NLRP7: variants seen among roughly 807,000 people sequenced by gnomAD.
The protein encoded by NLRP7 is NLR family pyrin domain containing 7, also known as NACHT, LRR and PYD domains-containing protein 7.
In NLRP7, 72 loss-of-function variants were observed where a neutral mutation model predicts 85.5. The ratio of observed to expected loss-of-function variants is 0.84; its 90% confidence interval spans 0.70 to 1.02. NLRP7 has a LOEUF of 1.02. Ranked by LOEUF, NLRP7 falls within the 50% of genes least tolerant of loss-of-function variation. The pLI is 0.00. For missense variants in NLRP7, 1,243 were observed against 1,219.5 expected (o/e 1.02, Z -0.29); for synonymous variants, 550 against 505.2 (o/e 1.09, Z -1.19).
chr19:54,962,407 A>G (rs565065452), intron 1 of NLRP7, among the ~76,000 whole-genome samples: 5 of 149,816 alleles, frequency 3.3e-5, no homozygotes, highest in African/African-American at 1.2e-4. Context: ...AGCTGGAATT[A>G]CAGGCATCTG....
intron 8 of NLRP7, 119 bp downstream of exon 8, chr19:54,933,450 C>A: frequency 7.5e-7 from 1 of 1,326,686 alleles, no homozygotes; most frequent in East Asian, 2.5e-5. Context: ...TGGCCTCTGC[C>A]TGTTCTTTAA....
intron 1 of NLRP7, among the ~76,000 whole-genome samples, chr19:54,943,576 G>C (rs913285124): frequency 2.6e-5 from 4 of 151,362 alleles, no homozygotes; most frequent in South Asian, 2.1e-4. Context: ...ACTCCAGCCT[G>C]GGCGACAGAG....
chr19:54,949,266 T>TC (rs2069594220), upstream of NLRP7, among the ~76,000 whole-genome samples: 1 of 144,120 alleles, frequency 6.9e-6, no homozygotes, highest in South Asian at 2.2e-4. Context: ...CGACAGAGAC[T>TC]CCATCTTTAA....
intron 1 of NLRP7, among the ~76,000 whole-genome samples, chr19:54,959,345 G>A (rs1168214308): frequency 6.7e-6 from 1 of 150,174 alleles, no homozygotes; most frequent in Non-Finnish European, 1.5e-5. Context: ...CACCATGTTG[G>A]CCAGGCTGGT....
intron 1 of NLRP7, among the ~76,000 whole-genome samples, chr19:54,962,601 T>G (rs1262443995): frequency 6.8e-6 from 1 of 147,760 alleles, no homozygotes; most frequent in Non-Finnish European, 1.5e-5. Flanking sequence ...TTCTTTCTTT[T>G]TTGTTTGTTT....
chr19:54,938,796 C>G, intron 4 of NLRP7, 92 bp downstream of exon 4: 1 of 1,409,714 alleles, frequency 7.1e-7, no homozygotes, highest in Non-Finnish European at 1.0e-6. Flanking sequence ...GGAAAGAAGT[C>G]CAGCCAGAGG....
chr19:54,947,122 C>T (rs996970630), intron 1 of NLRP7, among the ~76,000 whole-genome samples: 1 of 151,992 alleles, frequency 6.6e-6, no homozygotes, highest in African/African-American at 2.4e-5. Flanking sequence ...GTCAGGAGTT[C>T]AAGACCAGCC....
chr19:54,947,242 G>A (rs1249404738), intron 1 of NLRP7, among the ~76,000 whole-genome samples: 2 of 151,924 alleles, frequency 1.3e-5, no homozygotes, highest in African/African-American at 4.8e-5. Flanking sequence ...GGAGAATGGC[G>A]GGTGAACCCA....
chr19:54,925,693 G>A (rs578205616), intron 9 of NLRP7, among the ~76,000 whole-genome samples: 98 of 152,178 alleles, frequency 6.4e-4, no homozygotes, highest in African/African-American at 2.3e-3. Context: ...ACTAAAGGTA[G>A]ATTACGTTAA....
At chr19:54,947,750 A>G (rs1420176723), upstream of NLRP7, 22 of 916,538 alleles carry the variant, frequency 2.4e-5, no homozygotes, top group Non-Finnish European at 3.1e-5. Context: ...TTAATGTGCA[A>G]TTCCCTTCCT....
At chr19:54,965,255 T>A (rs1248554604) in intron 1 of NLRP7, 3 of 98,528 alleles carry the variant, frequency 3.0e-5, no homozygotes, top group East Asian at 2.8e-4. Context: ...ATACAGGAAG[T>A]GCTCAGCAAC....
chr19:54,939,987 G>A, exon 4 of NLRP7: 1 of 1,614,134 alleles, frequency 6.2e-7, no homozygotes, highest in Non-Finnish European at 8.5e-7. Context: ...ACGGGCACCG[G>A]CTTCTTCTTC....
At position 54,934,529 on chromosome 19, in the gene NLRP7, T is replaced by C. The variant is rs761251959; in HGVS notation, c.2431A>G (p.Lys811Glu). The C allele has an allele frequency of 2.5e-6, 4 of 1,614,152 alleles. No individual in the cohort carries two copies. The highest frequency in any genetic ancestry group is 3.4e-6 in the Non-Finnish European group (4 of 1,180,020). ...AAGTGTTTTGGGCGTGTCATGGTCTTGTACAGCAACATGGCACCCTCATCC... is the reference window on the plus strand; with the variant it reads ...AAGTGTTTTGGGCGTGTCATGGTCTCGTACAGCAACATGGCACCCTCATCC... The change falls in exon 7 of 10, where the codon AAG (lysine) becomes GAG (glutamate). Residue 811 changes from lysine to glutamate, a missense_variant. By Grantham distance (56) the Lys-to-Glu change is moderately conservative. Transcript: ENST00000340844. This position sits in a 1 kb window ranked among gnomAD's most constrained non-coding sequence, Gnocchi z 6.7.
intron 1 of NLRP7, among the ~76,000 whole-genome samples, chr19:54,943,258 C>G (rs1342969190): frequency 6.6e-6 from 1 of 151,976 alleles, no homozygotes. Context: ...TGCAGTGAGC[C>G]AGCCACTGCA....
intron 5 of NLRP7, among the ~76,000 whole-genome samples, chr19:54,937,754 G>A (rs923465586): frequency 2.4e-4 from 37 of 151,468 alleles, no homozygotes; most frequent in South Asian, 2.1e-4. Context: ...AAAATTAGCC[G>A]GGCAAGGTGG....
chr19:54,939,840 C>T, exon 4 of NLRP7: 10 of 1,614,038 alleles, frequency 6.2e-6, no homozygotes, highest in Middle Eastern at 1.7e-4. Context: ...CTCCTGTCCT[C>T]CTCCAGGAAG....
chr19:54,927,374 T>C (rs2068487853), intron 9 of NLRP7, among the ~76,000 whole-genome samples: 1 of 125,024 alleles, frequency 8.0e-6, no homozygotes, highest in South Asian at 2.8e-4. Context: ...AGAACAAAAC[T>C]CCGTCTCAAA....
At chr19:54,938,235 A>G (rs2069029722) in exon 5 of NLRP7, 3 of 1,614,014 alleles carry the variant, frequency 1.9e-6, no homozygotes, top group Non-Finnish European at 1.7e-6. Flanking sequence ...TGGTTAGGTA[A>G]GTGCACCTGC....
intron 1 of NLRP7, among the ~76,000 whole-genome samples, chr19:54,963,411 T>A (rs986139677): frequency 1.3e-4 from 19 of 151,694 alleles, no homozygotes; most frequent in African/African-American, 4.4e-4. Context: ...TGAAAAAGGC[T>A]GGGCGCGGTG....
Sources: allele counts gnomAD v4.1 joint callset (sites outside exome capture counted in the v4.1 genomes callset), GRCh38; gene constraint gnomAD v4.1.1; non-coding constraint Gnocchi (gnomAD v3.1); transcripts MANE v1.5; gene names NCBI Gene and HGNC (gene_info 2026-07-23, HGNC 2026-07-21).